ACVR1C: variants seen among roughly 807,000 people sequenced by gnomAD.
The protein encoded by ACVR1C is activin receptor type-1C.
A neutral mutation model predicts 57.9 loss-of-function variants in ACVR1C; 23 were observed. That is an observed-to-expected ratio of 0.40 (90% CI 0.29 to 0.56). The LOEUF is 0.56. ACVR1C is among the 20% of genes least tolerant of loss of function. The pLI, the probability that ACVR1C is intolerant of heterozygous loss-of-function variation, is 0.50. For synonymous variants in ACVR1C, 214 were observed against 215.3 expected (o/e 0.99, Z 0.05); for missense variants, 480 against 607.9 (o/e 0.79, Z 2.21).
rs1558975181 is a variant in ACVR1C at position 157,554,278 on chromosome 2, AGG to A, written c.544+1813_544+1814del. 1.2e-4 allele frequency among the ~76,000 whole-genome samples: 17 copies of A among 136,098 alleles called. 1 individual carries two copies. Among genetic ancestry groups the A allele is most frequent in the African/African-American group, 5.5e-4 (17 of 30,754 alleles). 89.3% of individuals were successfully genotyped at this position (136,098 alleles called of 152,430 possible). ...AAGAAAGAAAGAAAGAAAGGAAGGAAGGAAGAGAGAGAGAGAGAGAAAGAAAG... is the reference window on the plus strand; with the variant it reads ...AAGAAAGAAAGAAAGAAAGGAAGGAAAAGAGAGAGAGAGAGAGAAAGAAAG... On this transcript the variant is annotated intron_variant, in intron 3 of 8. Transcript: ENST00000243349.
chr2:157,621,342 A>G (rs1040842886), intron 1 of ACVR1C, among the ~76,000 whole-genome samples: 3 of 152,150 alleles, frequency 2.0e-5, no homozygotes, highest in Non-Finnish European at 4.4e-5. Flanking sequence ...TCATGAGGCA[A>G]TGGTAGCCCC....
At position 157,598,876 on chromosome 2, in the gene ACVR1C, G is replaced by T. The variant is rs1002693895; in HGVS notation, c.74-11459C>A. 5.3e-5 allele frequency among the ~76,000 whole-genome samples: 8 copies of T among 152,144 alleles called. No individual in the cohort carries two copies. In the South Asian group the frequency reaches 1.7e-3, roughly 32 times the overall value. On this transcript the variant is annotated intron_variant, in intron 1 of 8. Coordinates refer to ENST00000243349, the MANE Select transcript of ACVR1C (RefSeq NM_145259.3). ...TCTAATACAAATTATTAATCTGGGG[G>T]TTGACTGCATCAGAAAGTGGAGCTG... is the stretch of plus-strand genomic sequence containing the variant.
chr2:157,573,018 AAAC>A (rs375151406), intron 2 of ACVR1C, among the ~76,000 whole-genome samples: 9 of 152,318 alleles, frequency 5.9e-5, no homozygotes, highest in East Asian at 3.9e-4. Context: ...GAAAGTTAAG[AAAC>A]AACAATGGGT....
intron 4 of ACVR1C, among the ~76,000 whole-genome samples, chr2:157,549,795 C>G (rs1475009788): frequency 7.1e-6 from 1 of 141,166 alleles, no homozygotes; most frequent in African/African-American, 2.7e-5. Flanking sequence ...ACCATCCTGG[C>G]TAACACGGTG....
chr2:157,620,019 C>T (rs1023466838), intron 1 of ACVR1C, among the ~76,000 whole-genome samples: 4 of 151,984 alleles, frequency 2.6e-5, no homozygotes, highest in Non-Finnish European at 5.9e-5. Context: ...TTCTGGGGAA[C>T]ATCATCTTGA....
intron 1 of ACVR1C, among the ~76,000 whole-genome samples, chr2:157,600,496 A>C (rs915167443): frequency 2.6e-5 from 4 of 152,236 alleles, no homozygotes; most frequent in African/African-American, 9.6e-5. Context: ...AAGAGATAGA[A>C]AAAGACAGAA....
intron 1 of ACVR1C, among the ~76,000 whole-genome samples, chr2:157,604,528 G>C (rs1682351206): frequency 6.6e-6 from 1 of 151,952 alleles, no homozygotes; most frequent in Non-Finnish European, 1.5e-5. Flanking sequence ...AAATAAATCT[G>C]TAATAAACAT....
intron 4 of ACVR1C, among the ~76,000 whole-genome samples, chr2:157,548,603 A>C (rs1318204050): frequency 6.6e-6 from 1 of 151,520 alleles, no homozygotes; most frequent in Non-Finnish European, 1.5e-5. Flanking sequence ...GGAACAGAAC[A>C]GAGCCCTCAG....
intron 1 of ACVR1C, among the ~76,000 whole-genome samples, chr2:157,618,860 T>C (rs1682706324): frequency 6.6e-6 from 1 of 151,656 alleles, no homozygotes; most frequent in Non-Finnish European, 1.5e-5. Context: ...TAATCCTAAT[T>C]GTGTATGTAC....
At chr2:157,543,447 A>C (rs1446921242) in intron 5 of ACVR1C, among the ~76,000 whole-genome samples, 1 of 152,232 alleles carries the variant, frequency 6.6e-6, no homozygotes, top group African/African-American at 2.4e-5. Flanking sequence ...TTTTCACTTA[A>C]TCAGTTTTTG....
intron 1 of ACVR1C, among the ~76,000 whole-genome samples, chr2:157,626,579 G>A (rs1345681380): frequency 1.3e-5 from 2 of 152,098 alleles, no homozygotes; most frequent in African/African-American, 2.4e-5. Context: ...TGTCATAAAT[G>A]GCCAATATGA....
At chr2:157,545,512 A>C (rs1687730716) in intron 4 of ACVR1C, among the ~76,000 whole-genome samples, 1 of 152,114 alleles carries the variant, frequency 6.6e-6, no homozygotes, top group Non-Finnish European at 1.5e-5. Context: ...ACCCTTACTC[A>C]CACCTCTCTC....
Position 157,538,687 on chromosome 2 carries a change from G to A in ACVR1C, c.1242C>T (p.Tyr414=). Residue 414 remains tyrosine (Y), a synonymous_variant, in exon 8 of 9, where the codon TAC becomes TAT. Transcript: ENST00000243349. ...RCSVGGIVEE[Y]QLPYYDMVPS... ...GCACCATGTCATAATAAGGCAATTG[G>A]TACTCCTCAACAATTCCTGTAAGAA... is the stretch of plus-strand genomic sequence containing the variant. 6.6e-7 allele frequency: 1 copy of A among 1,521,440 alleles called. No homozygotes were observed. Among genetic ancestry groups the A allele is most frequent in the Admixed American group, 2.1e-5 (1 of 47,234 alleles). 94.2% of individuals were successfully genotyped at this position (1,521,440 alleles called of 1,614,324 possible). A position where few individuals can be genotyped will look rare whatever the true frequency, so the allele number is the denominator to read the frequency against.
chr2:157,566,735 T>C, intron 2 of ACVR1C, among the ~76,000 whole-genome samples: 1 of 151,396 alleles, frequency 6.6e-6, no homozygotes, highest in Non-Finnish European at 1.5e-5. Context: ...CGCTGATTGC[T>C]AGCACAGCAG....
At chr2:157,611,200 A>G (rs1377712256) in intron 1 of ACVR1C, among the ~76,000 whole-genome samples, 1 of 152,126 alleles carries the variant, frequency 6.6e-6, no homozygotes, top group Admixed American at 6.5e-5. Flanking sequence ...TTTCCTGAAG[A>G]TGTATCTATG....
intron 2 of ACVR1C, among the ~76,000 whole-genome samples, chr2:157,560,895 A>C (rs1414966484): frequency 1.3e-5 from 2 of 152,222 alleles, no homozygotes; most frequent in African/African-American, 4.8e-5. Context: ...GACTACTGGC[A>C]TGGAAATCTT....
At position 157,531,333 on chromosome 2, in the gene ACVR1C, A is replaced by G. The variant is rs1687346188; in HGVS notation, c.*2585T>C. On this transcript the variant is annotated 3_prime_UTR_variant, in exon 9 of 9. Coordinates refer to ENST00000243349, the MANE Select transcript of ACVR1C (RefSeq NM_145259.3). ...TCTTAAAAAATGTATTTTGTAATTG[A>G]AATATAAGACTACTCAGTTAGGAGT... 6.6e-6 allele frequency: 1 copy of G among 152,050 alleles called. No individual in the cohort carries two copies. Among genetic ancestry groups the G allele is most frequent in the African/African-American group, 2.4e-5 (1 of 41,436 alleles). 9.4% of individuals were successfully genotyped at this position (152,050 alleles called of 1,614,324 possible). A position where few individuals can be genotyped will look rare whatever the true frequency, so the allele number is the denominator to read the frequency against.
At chr2:157,625,780 T>C (rs943250145) in intron 1 of ACVR1C, among the ~76,000 whole-genome samples, 1 of 152,188 alleles carries the variant, frequency 6.6e-6, no homozygotes, top group African/African-American at 2.4e-5. Context: ...TAGAAGAGAA[T>C]GCACAATATG....
intron 1 of ACVR1C, among the ~76,000 whole-genome samples, chr2:157,606,241 T>A (rs918538185): frequency 6.6e-6 from 1 of 151,826 alleles, no homozygotes; most frequent in Non-Finnish European, 1.5e-5. Context: ...ATGCAGATTT[T>A]GAGTAGTGCT....
Sources: allele counts gnomAD v4.1 joint callset (sites outside exome capture counted in the v4.1 genomes callset), GRCh38; gene constraint gnomAD v4.1.1; transcripts MANE v1.5; gene names NCBI Gene and HGNC (gene_info 2026-07-23, HGNC 2026-07-21).